The following BABAM1 variants were observed in gnomAD, a reference collection of about 807,000 sequenced individuals.
BABAM1 encodes BRISC and BRCA1 A complex member 1.
BABAM1 carries 14 observed loss-of-function variants against 34.4 expected under a neutral mutation model. The ratio of observed to expected loss-of-function variants is 0.41; its 90% CI spans 0.27 to 0.64. The LOEUF (loss-of-function observed/expected upper bound fraction) is 0.64. Ranked by LOEUF, BABAM1 falls within the 30% of genes least tolerant of loss-of-function variation. The pLI, the probability that BABAM1 is intolerant of heterozygous loss-of-function variation, is 0.34. For missense variants in BABAM1, 393 were observed against 434.0 expected (o/e 0.91, Z 0.84); for synonymous variants, 169 against 165.8 (o/e 1.02, Z -0.15).
In BABAM1 at chr19:17,274,204, A is replaced by T; in HGVS notation, c.544+19A>T. ...ACCTTCAGTATCCTTCCTGGCAGAGATGTCCCCATGAAGGGGGCTGTCTCC... is the reference window on the plus strand; with the variant it reads ...ACCTTCAGTATCCTTCCTGGCAGAGTTGTCCCCATGAAGGGGGCTGTCTCC... On this transcript the variant is annotated intron_variant, in intron 5 of 8. Transcript: ENST00000598188. The T allele has an allele frequency of 6.2e-7, 1 of 1,610,498 alleles. No individual in the cohort carries two copies. The highest frequency in any genetic ancestry group is 8.5e-7 in the Non-Finnish European group (1 of 1,178,750).
intron 3 of BABAM1, among the ~76,000 whole-genome samples, chr19:17,273,044 A>T (rs2073861292): frequency 6.6e-6 from 1 of 152,186 alleles, no homozygotes; most frequent in African/African-American, 2.4e-5. Flanking sequence ...AAATAAAAAA[A>T]GAGTAGCAAG....
intron 8 of BABAM1, among the ~76,000 whole-genome samples, chr19:17,277,899 A>G (rs1403445563): frequency 6.6e-6 from 1 of 151,658 alleles, no homozygotes; most frequent in Non-Finnish European, 1.5e-5. Context: ...AAATACGGCC[A>G]GGTGTGGTGG....
chr19:17,278,902 G>A lies in BABAM1; in HGVS notation c.844G>A (p.Val282Met). 2 of 1,613,674 alleles carry A rather than the reference G, an allele frequency of 1.2e-6. No individual in the cohort carries two copies. The highest frequency in any genetic ancestry group is 1.1e-5 in the South Asian group (1 of 91,034). Residue 282 changes from valine (V) to methionine (M), a missense_variant, in exon 9 of 9, where the codon GTG becomes ATG. Transcript: ENST00000598188. Reference sequence around the variant, plus strand: ...CAAGGGTACCAGCTACAAGTATGAGGTGGCACTGGCTGGGCCAGCCCTGGA... The same window carrying A: ...CAAGGGTACCAGCTACAAGTATGAGATGGCACTGGCTGGGCCAGCCCTGGA... ...DTKGTSYKYEVALAGPALELH... is the reference protein window; with the variant it reads ...DTKGTSYKYEMALAGPALELH...
In BABAM1 at chr19:17,273,559, G is replaced by GTTTTTTTT. The variant is rs1252906493; in HGVS notation, c.345-341_345-340insTTTTTTTT. On this transcript the variant is annotated intron_variant, in intron 3 of 8. Coordinates refer to ENST00000598188, the MANE Select transcript of BABAM1 (RefSeq NM_014173.4). ...GGCTGAAGGAAGTTTTTTTTTGTTT[G>GTTTTTTTT]TTTTGTTTTTTTTTTTTTTTTTGAG... Among the ~76,000 whole-genome samples, 101 of 24,562 alleles carry GTTTTTTTT rather than the reference G, an allele frequency of 4.1e-3. 1 individual carries two copies. Among genetic ancestry groups the GTTTTTTTT allele is most frequent in the Non-Finnish European group, 7.2e-3 (85 of 11,744 alleles). The allele number at this position is 24,562 out of a possible 152,430, so 16.1% of individuals were successfully genotyped here.
intron 5 of BABAM1, 78 bp from the exon 6 acceptor site, chr19:17,275,723 C>G (rs372960212): frequency 6.3e-7 from 1 of 1,590,324 alleles, no homozygotes; most frequent in Non-Finnish European, 8.6e-7. Flanking sequence ...CGGGTCTCCT[C>G]TGGTATCGGG....
chr19:17,268,756 G>A lies in BABAM1; in HGVS notation c.-13-38G>A, dbSNP rs138467832. ...AACCAAATGTTTTTAAAACTCCAAG[G>A]GGAGGATTCTGGCTTCCCCTGTCCG... On this transcript the variant is annotated intron_variant, in intron 1 of 8. Transcript: ENST00000598188. The A allele has an allele frequency of 4.5e-5, 68 of 1,525,738 alleles. No homozygotes were observed. In the East Asian group the frequency reaches 1.5e-3, roughly 34 times the overall value. The allele number at this position is 1,525,738 out of a possible 1,614,324, so 94.5% of individuals were successfully genotyped here.
rs1191355668 is a variant in BABAM1 at position 17,277,199 on chromosome 19, CTTCTT to C, written c.786+293_786+297del. The C allele has an allele frequency of 5.1e-3, 1,209 of 238,036 alleles. 16 individuals carry two copies. Among genetic ancestry groups the C allele is most frequent in the African/African-American group, 0.04 (1,136 of 28,628 alleles). 14.7% of individuals were successfully genotyped at this position (238,036 alleles called of 1,614,324 possible). A position where few individuals can be genotyped will look rare whatever the true frequency, so the allele number is the denominator to read the frequency against. On this transcript the variant is annotated intron_variant, in intron 8 of 8. Coordinates refer to ENST00000598188, the MANE Select transcript of BABAM1 (RefSeq NM_014173.4). The stretch of plus-strand genomic sequence containing the variant: ...GCTTGCTTGCTTGCTTTTCTTTCTT[CTTCTT>C]TTTTTTTTTTTTTTTGAGACAGAGT...
In BABAM1 at chr19:17,279,129, A is replaced by C. The variant is rs1167754133; in HGVS notation, c.*81A>C. The C allele has an allele frequency of 6.9e-7, 1 of 1,454,470 alleles. No homozygotes were observed. The highest frequency in any genetic ancestry group is 1.4e-5 in the African/African-American group (1 of 71,148). 90.1% of individuals were successfully genotyped at this position (1,454,470 alleles called of 1,614,324 possible). A position where few individuals can be genotyped will look rare whatever the true frequency, so the allele number is the denominator to read the frequency against. On this transcript the variant is annotated 3_prime_UTR_variant, in exon 9 of 9. Transcript: ENST00000598188. Reference sequence around the variant, plus strand: ...TGGTTCTCAAACTGGGTTCCTTGGGACCTCCGGGGTGGGGGGGTTCCAGGA... The same window carrying C: ...TGGTTCTCAAACTGGGTTCCTTGGGCCCTCCGGGGTGGGGGGGTTCCAGGA...
intron 8 of BABAM1, among the ~76,000 whole-genome samples, chr19:17,278,605 G>A (rs1012819520): frequency 5.3e-5 from 8 of 151,646 alleles, no homozygotes; most frequent in Non-Finnish European, 7.4e-5. Flanking sequence ...CACCGCGCCC[G>A]GCCCACACTG....
intron 2 of BABAM1, among the ~76,000 whole-genome samples, chr19:17,270,106 A>AT (rs983433329): frequency 3.3e-5 from 5 of 151,168 alleles, no homozygotes; most frequent in African/African-American, 1.2e-4. Flanking sequence ...AATTTTTTGT[A>AT]TTTTTTAGTA....
chr19:17,271,782 A>G (rs2073844179), intron 3 of BABAM1, 127 bp downstream of exon 3: 1 of 1,078,942 alleles, frequency 9.3e-7, no homozygotes, highest in Non-Finnish European at 1.4e-6. Flanking sequence ...AGTATCAGAG[A>G]TTAGCAAGAG....
At chr19:17,275,911 C>A in intron 6 of BABAM1, 86 bp downstream of exon 6, 1 of 1,479,082 alleles carries the variant, frequency 6.8e-7, no homozygotes, top group Non-Finnish European at 9.4e-7. Context: ...CAGAAGTAAT[C>A]TAGGGAGCCT....
intron 1 of BABAM1, 157 bp from the exon 2 acceptor site, chr19:17,268,637 C>T: frequency 1.4e-6 from 1 of 717,294 alleles, no homozygotes; most frequent in Non-Finnish European, 2.2e-6. Flanking sequence ...CCATGTTGGT[C>T]AGGCTGGTCT....
rs1306798554 is a variant in BABAM1 at position 17,269,102 on chromosome 19, G to A, written c.285+11G>A. 1.9e-6 allele frequency: 3 copies of A among 1,582,788 alleles called. No homozygotes were observed. The highest frequency in any genetic ancestry group is 1.8e-5 in the Admixed American group (1 of 56,448). On this transcript the variant is annotated intron_variant, in intron 2 of 8. Transcript: ENST00000598188. ...TGTCCAGAGAAAGTGGTAAGTAGAG[G>A]GGGTGGCCTGGGGCTCTGAGATGCT...
At chr19:17,270,756 C>T (rs1010466677) in intron 2 of BABAM1, among the ~76,000 whole-genome samples, 5 of 151,686 alleles carry the variant, frequency 3.3e-5, no homozygotes, top group African/African-American at 7.3e-5. Context: ...GGCACAACCT[C>T]GGCTCACTGC....
At chr19:17,274,898 A>T (rs2073890621) in intron 5 of BABAM1, among the ~76,000 whole-genome samples, 1 of 152,142 alleles carries the variant, frequency 6.6e-6, no homozygotes, top group Non-Finnish European at 1.5e-5. Flanking sequence ...GGCCCCAGCC[A>T]TGCAGGAAAG....
At position 17,279,139 on chromosome 19, in the gene BABAM1, T is replaced by TG. The variant is rs772223871; in HGVS notation, c.*98dup. On this transcript the variant is annotated 3_prime_UTR_variant, in exon 9 of 9. Coordinates refer to ENST00000598188, the MANE Select transcript of BABAM1 (RefSeq NM_014173.4). ...ACTGGGTTCCTTGGGACCTCCGGGG[T>TG]GGGGGGGTTCCAGGAGGCACGTAGG... is the stretch of plus-strand genomic sequence containing the variant. 127 of 1,392,672 alleles carry TG rather than the reference T, an allele frequency of 9.1e-5. No individual in the cohort carries two copies. The highest frequency in any genetic ancestry group is 1.9e-4 in the South Asian group (14 of 73,138). The allele number at this position is 1,392,672 out of a possible 1,614,324, so 86.3% of individuals were successfully genotyped here. A position where few individuals can be genotyped will look rare whatever the true frequency, so the allele number is the denominator to read the frequency against.
chr19:17,273,244 T>TG (rs1466453775), intron 3 of BABAM1, among the ~76,000 whole-genome samples: 1 of 151,702 alleles, frequency 6.6e-6, no homozygotes, highest in African/African-American at 2.4e-5. Context: ...GTATCTGGAG[T>TG]GGGGGGCAGT....
chr19:17,271,491 C>A, intron 2 of BABAM1, 106 bp from the exon 3 acceptor site: 1 of 1,270,980 alleles, frequency 7.9e-7, no homozygotes, highest in Non-Finnish European at 1.1e-6. Flanking sequence ...GATTAGAGGT[C>A]ACCATACTGC....
Sources: gnomAD v4.1 joint callset for allele counts (sites outside exome capture counted in the v4.1 genomes callset) on GRCh38, gnomAD v4.1.1 for gene constraint, MANE v1.5 for transcripts, NCBI Gene and HGNC (gene_info 2026-07-23, HGNC 2026-07-21) for gene names.